The following ARHGEF16 variants were observed in gnomAD, a reference collection of about 807,000 sequenced individuals.
ARHGEF16 encodes the protein Rho guanine nucleotide exchange factor 16, also known as Rho guanine exchange factor (GEF) 16.
In ARHGEF16, 59 loss-of-function variants were observed where a neutral mutation model predicts 74.1. The observed-to-expected ratio is 0.80, with a 90% CI of 0.65 to 0.99. ARHGEF16 has a LOEUF of 0.99. Among genes scored for constraint, ARHGEF16 ranks in the 50% least tolerant of loss-of-function variants. The pLI is 0.00. For missense variants in ARHGEF16, 948 were observed against 986.6 expected, an observed-to-expected ratio of 0.96 and a Z score of 0.52; for synonymous variants, 415 against 412.6, an observed-to-expected ratio of 1.01 and a Z score of -0.07.
rs576212859 is a variant in ARHGEF16, at chr1:3,466,906, C to T, written c.635-262C>T. ...CCCAGGAGGCAGCAGCGATGCCCCA[C>T]GTCTCAGGGTAAGGCTGGTTGGGGG... On this transcript the variant is annotated intron_variant, in intron 3 of 14. Coordinates refer to ENST00000378378, the MANE Select transcript of ARHGEF16 (RefSeq NM_014448.4). The T allele has an allele frequency of 2.2e-5, 9 of 402,644 alleles. No homozygotes were observed. The East Asian group carries it at 2.8e-4, about 13-fold the overall frequency. 24.9% of individuals were successfully genotyped at this position (402,644 alleles called of 1,614,324 possible).
chr1:3,467,183 A>T lies in ARHGEF16; in HGVS notation c.650A>T (p.Gln217Leu). Residue 217 changes from glutamine (Q) to leucine (L), a missense_variant, in exon 4 of 15, where the codon CAG becomes CTG. Transcript: ENST00000378378. ...GSFKDDPQLYQEIQERGLNTS... is the reference protein window; with the variant it reads ...GSFKDDPQLYLEIQERGLNTS... ...CTCTCTCTAGACCCCCAGCTCTACC[A>T]GGAGATCCAGGAGCGGGGCCTGAAC... The T allele has an allele frequency of 6.4e-7, 1 of 1,550,498 alleles. No homozygotes were observed. The highest frequency in any genetic ancestry group is 8.7e-7 in the Non-Finnish European group (1 of 1,146,736).
chr1:3,471,302 G>T (rs866206785), intron 6 of ARHGEF16, among the ~76,000 whole-genome samples: 21 of 152,190 alleles, frequency 1.4e-4, no homozygotes, highest in Middle Eastern at 3.4e-3. Context: ...ATGATTAGGG[G>T]CCTGTAGTGC....
At chr1:3,476,404 TGGG>T (rs1348244491) in intron 10 of ARHGEF16, among the ~76,000 whole-genome samples, 2 of 152,136 alleles carry the variant, frequency 1.3e-5, no homozygotes, top group African/African-American at 4.8e-5. Flanking sequence ...TGCACTTGCC[TGGG>T]GCCAGCGCTC....
intron 1 of ARHGEF16, among the ~76,000 whole-genome samples, chr1:3,457,935 A>G (rs1639303243): frequency 6.6e-6 from 1 of 152,162 alleles, no homozygotes. Context: ...GCCCACCCTG[A>G]GGAGAAGCAG....
At chr1:3,468,993 G>T in intron 5 of ARHGEF16, 57 bp downstream of exon 5, 2 of 1,542,736 alleles carry the variant, frequency 1.3e-6, no homozygotes, top group South Asian at 2.4e-5. Context: ...TGCAACACCC[G>T]GGGAGGGGCA....
At chr1:3,457,603 C>T (rs1049846224) in intron 1 of ARHGEF16, among the ~76,000 whole-genome samples, 1 of 152,216 alleles carries the variant, frequency 6.6e-6, no homozygotes, top group African/African-American at 2.4e-5. Flanking sequence ...GGCTACAGAG[C>T]GGCCCACCCA....
At chr1:3,463,801 C>G (rs1639470336) in intron 2 of ARHGEF16, 129 bp downstream of exon 2, 4 of 756,406 alleles carry the variant, frequency 5.3e-6, no homozygotes, top group Non-Finnish European at 7.6e-6. Context: ...CATGAGGGCT[C>G]TCGACTGGTT....
intron 6 of ARHGEF16, chr1:3,471,752 C>T (rs771330013): frequency 8.3e-7 from 1 of 1,200,044 alleles, no homozygotes; most frequent in Non-Finnish European, 1.1e-6. Flanking sequence ...CAGCTCCTGG[C>T]ATTCACAGTG....
At chr1:3,472,527 C>T (rs1639755975) in intron 6 of ARHGEF16, among the ~76,000 whole-genome samples, 1 of 152,206 alleles carries the variant, frequency 6.6e-6, no homozygotes, top group Non-Finnish European at 1.5e-5. Flanking sequence ...GGGAGCTTGA[C>T]CAGCAGAGCT....
chr1:3,476,460 C>T (rs974868071), intron 10 of ARHGEF16, among the ~76,000 whole-genome samples: 15 of 152,166 alleles, frequency 9.9e-5, no homozygotes, highest in Admixed American at 7.9e-4. Flanking sequence ...GAGGACAGAG[C>T]GGAGGGGACA....
rs1274323830 is a variant in ARHGEF16, at chr1:3,478,591, T to C, written c.1793T>C (p.Leu598Pro). Residue 598 changes from leucine (L) to proline (P), a missense_variant, in exon 12 of 15, where the codon CTC becomes CCC. By Grantham distance (98) the Leu-to-Pro change is moderately conservative. Coordinates refer to ENST00000378378, the MANE Select transcript of ARHGEF16 (RefSeq NM_014448.4). ...LRNSEGRQEQ[L>P]LLSSDSASDR... ...AACAGCGAGGGCCGCCAGGAGCAGCTCCTGCTCTCCTCGGACTCCGCGTAA... is the reference window on the plus strand; with the variant it reads ...AACAGCGAGGGCCGCCAGGAGCAGCCCCTGCTCTCCTCGGACTCCGCGTAA... The C allele has an allele frequency of 1.9e-6, 3 of 1,611,414 alleles. No homozygotes were observed. In the South Asian group the frequency reaches 3.3e-5, roughly 18 times the overall value.
intron 6 of ARHGEF16, chr1:3,471,884 A>ACGCATGT: frequency 1.0e-6 from 1 of 987,646 alleles, no homozygotes; most frequent in African/African-American, 1.8e-5. Context: ...CTGGGCACGT[A>ACGCATGT]CGCATGTCGT....
intron 2 of ARHGEF16, among the ~76,000 whole-genome samples, chr1:3,464,984 C>G (rs764451776): frequency 2.0e-4 from 31 of 152,212 alleles, no homozygotes; most frequent in Non-Finnish European, 4.4e-4. Context: ...GCACCAGCCA[C>G]TGTCCTCGGT....
At chr1:3,465,462 T>C (rs1639515080) in intron 2 of ARHGEF16, among the ~76,000 whole-genome samples, 1 of 143,784 alleles carries the variant, frequency 7.0e-6, no homozygotes, top group Non-Finnish European at 1.5e-5. Flanking sequence ...GCTGGGGGAG[T>C]CCTTGAGGTG....
intron 1 of ARHGEF16, among the ~76,000 whole-genome samples, chr1:3,455,474 T>C (rs1030937572): frequency 1.3e-5 from 2 of 151,948 alleles, no homozygotes; most frequent in Non-Finnish European, 2.9e-5. Context: ...CGTGGCCGCT[T>C]GTCTTGGCCG....
rs1365953703 is a variant in ARHGEF16, at chr1:3,468,922, C to T, written c.847C>T (p.Arg283Trp). ...CCTGGACCAGCTCTCCACTGAGGAG[C>T]GGAAAAGGCAGGAGGTAAAAGGGCC... Reference protein sequence around the residue: ...GILDQLSTEERKRQEAMFEIL... With the variant: ...GILDQLSTEEWKRQEAMFEIL... Residue 283 changes from arginine (R) to tryptophan (W), a missense_variant, in exon 5 of 15, where the codon CGG becomes TGG. Transcript: ENST00000378378. 11 of 1,550,046 alleles carry T rather than the reference C, an allele frequency of 7.1e-6. No homozygotes were observed. The highest frequency in any genetic ancestry group is 2.7e-5 in the African/African-American group (2 of 72,986).
At chr1:3,455,332 C>G (rs1020571732) in intron 1 of ARHGEF16, among the ~76,000 whole-genome samples, 3 of 151,982 alleles carry the variant, frequency 2.0e-5, no homozygotes, top group African/African-American at 7.3e-5. Context: ...ACCCCACACC[C>G]AAGACAAACC....
rs774442488 is a variant in ARHGEF16 at position 3,466,108 on chromosome 1, C to A, written c.589-40C>A. 7 of 1,547,052 alleles carry A rather than the reference C, an allele frequency of 4.5e-6. No homozygotes were observed. In the African/African-American group the frequency reaches 8.2e-5, roughly 18 times the overall value. On this transcript the variant is annotated intron_variant, in intron 2 of 14. Coordinates refer to ENST00000378378, the MANE Select transcript of ARHGEF16 (RefSeq NM_014448.4). Reference sequence around the variant, plus strand: ...GAATCGCCGTGGGCAACACCTGCCCCGGCTGACAGCTGCGGTTTCTGTGTC... The same window carrying A: ...GAATCGCCGTGGGCAACACCTGCCCAGGCTGACAGCTGCGGTTTCTGTGTC...
At position 3,463,476 on chromosome 1, in the gene ARHGEF16, C is replaced by A. The variant is rs550096684; in HGVS notation, c.392C>A (p.Ser131Tyr). ...DPKLLPAPSFSLDDMDVDKDP... is the reference protein window; with the variant it reads ...DPKLLPAPSFYLDDMDVDKDP... ...AAGCTCCTCCCAGCCCCCAGCTTCT[C>A]CCTGGATGACATGGACGTGGACAAG... Residue 131 changes from serine to tyrosine, a missense_variant, in exon 2 of 15, where the codon TCC becomes TAC. By Grantham distance (144) the Ser-to-Tyr change is moderately radical. Transcript: ENST00000378378. 6.5e-7 allele frequency: 1 copy of A among 1,527,660 alleles called. No homozygotes were observed. Among genetic ancestry groups the A allele is most frequent in the Non-Finnish European group, 8.8e-7 (1 of 1,135,438 alleles). The allele number at this position is 1,527,660 out of a possible 1,614,324, so 94.6% of individuals were successfully genotyped here. A position where few individuals can be genotyped will look rare whatever the true frequency, so the allele number is the denominator to read the frequency against.
Sources: gnomAD v4.1 joint callset for allele counts (sites outside exome capture counted in the v4.1 genomes callset) on GRCh38, gnomAD v4.1.1 for gene constraint, MANE v1.5 for transcripts, NCBI Gene and HGNC (gene_info 2026-07-23, HGNC 2026-07-21) for gene names.